Variants in RUNX3 observed in about 807,000 individuals in gnomAD.
The protein encoded by RUNX3 is RUNX family transcription factor 3.
A neutral mutation model predicts 27.7 loss-of-function variants in RUNX3; 10 were observed. The observed-to-expected ratio is 0.36, with a 90% CI of 0.22 to 0.61. The LOEUF is 0.61. RUNX3 is among the 20% of genes least tolerant of loss of function. The pLI is 0.72. For missense variants in RUNX3, 469 were observed against 629.5 expected, an observed-to-expected ratio of 0.75 and a Z score of 2.73; for synonymous variants, 270 against 269.2, an observed-to-expected ratio of 1.00 and a Z score of -0.03.
intron 1 of RUNX3, 92 bp downstream of exon 1, chr1:24,929,495 C>T: frequency 7.8e-7 from 1 of 1,289,778 alleles, no homozygotes; most frequent in Non-Finnish European, 1.1e-6. Flanking sequence ...CGGGCACCTC[C>T]CATCCCCACT....
At position 24,902,552 on chromosome 1, in the gene RUNX3, G is replaced by A; in HGVS notation, c.818C>T (p.Ala273Val). 1 of 1,588,342 alleles carries A rather than the reference G, an allele frequency of 6.3e-7. No homozygotes were observed. The highest frequency in any genetic ancestry group is 8.6e-7 in the Non-Finnish European group (1 of 1,161,574). The change falls in exon 5 of 5, where the codon GCC (alanine) becomes GTC (valine). Residue 273 changes from alanine to valine, a missense_variant. Ala to Val is a moderately conservative substitution (Grantham distance 64, BLOSUM62 0). Coordinates refer to ENST00000308873, the MANE Select transcript of RUNX3 (RefSeq NM_004350.3). The surrounding 1 kb of genome is among the most constrained non-coding windows in gnomAD (Gnocchi z 9.2). ...GCTGTAGGGGAAGGCAGCTGACATG[G>A]CCCCGGGATAATGCATCCTGGGGTC... ...FPDPRMHYPGAMSAAFPYSAT... is the reference protein window; with the variant it reads ...FPDPRMHYPGVMSAAFPYSAT...
chr1:24,945,500 A>G (rs1641584410), intron 2 of RUNX3, among the ~76,000 whole-genome samples: 1 of 152,228 alleles, frequency 6.6e-6, no homozygotes, highest in Non-Finnish European at 1.5e-5. Context: ...ACCCGGGCTG[A>G]GTGCTTTACA....
At chr1:24,939,230 A>C (rs547681592) in intron 2 of RUNX3, among the ~76,000 whole-genome samples, 19 of 152,138 alleles carry the variant, frequency 1.2e-4, no homozygotes, top group Non-Finnish European at 2.6e-4. Flanking sequence ...TATACCCTAC[A>C]TGTGTGCACT....
intron 2 of RUNX3, among the ~76,000 whole-genome samples, chr1:24,949,872 G>A (rs927203143): frequency 6.6e-6 from 1 of 152,194 alleles, no homozygotes; most frequent in Non-Finnish European, 1.5e-5. Context: ...ACCCCAGGAG[G>A]GGTCAGCATA....
chr1:24,936,979 A>G (rs1641362637), intron 2 of RUNX3, among the ~76,000 whole-genome samples: 1 of 152,252 alleles, frequency 6.6e-6, no homozygotes, highest in African/African-American at 2.4e-5. Context: ...GCGGAAATAA[A>G]TCAACTATGT....
At chr1:24,910,594 G>T (rs1640778352) in intron 3 of RUNX3, among the ~76,000 whole-genome samples, 3 of 152,148 alleles carry the variant, frequency 2.0e-5, no homozygotes, top group Admixed American at 6.5e-5. Flanking sequence ...GTACTTGTAG[G>T]CCCCCAAGCT....
intron 4 of RUNX3, among the ~76,000 whole-genome samples, chr1:24,903,503 G>A (rs1320034267): frequency 6.6e-6 from 1 of 152,234 alleles, no homozygotes; most frequent in Non-Finnish European, 1.5e-5. Context: ...CCCCAGGAAT[G>A]TGGCTTCTCA....
At position 24,901,595 on chromosome 1, in the gene RUNX3, G is replaced by C. The variant is rs550099340; in HGVS notation, c.*527C>G. ...GTACAATGAGGGGAACCCCGCTCGA[G>C]GGTGGTGGGGGTGGGGGACACTTTC... On this transcript the variant is annotated 3_prime_UTR_variant, in exon 5 of 5. Transcript: ENST00000308873. The C allele has an allele frequency of 6.4e-6, 1 of 155,540 alleles. No homozygotes were observed. The highest frequency in any genetic ancestry group is 1.9e-4 in the East Asian group (1 of 5,308). 9.6% of individuals were successfully genotyped at this position (155,540 alleles called of 1,614,324 possible).
chr1:24,930,348 G>A, upstream of RUNX3: 1 of 498,916 alleles, frequency 2.0e-6, no homozygotes, highest in Non-Finnish European at 2.6e-6. The surrounding 1 kb of genome is among the most constrained non-coding windows in gnomAD (Gnocchi z 4.1). Context: ...GCGACGCGTC[G>A]CACAGCCAAT....
chr1:24,961,378 G>T (rs1188499098), intron 2 of RUNX3: 1 of 152,260 alleles, frequency 6.6e-6, no homozygotes, highest in Non-Finnish European at 1.5e-5. Flanking sequence ...GGTCTATGGG[G>T]ACCCTGAGGT....
chr1:24,907,184 C>T, intron 4 of RUNX3, 75 bp downstream of exon 4: 1 of 1,477,390 alleles, frequency 6.8e-7, no homozygotes. Context: ...GGCTTTTGGT[C>T]TGGGGCAGAT....
At chr1:24,935,677 A>G (rs1362693452) in intron 2 of RUNX3, among the ~76,000 whole-genome samples, 1 of 152,220 alleles carries the variant, frequency 6.6e-6, no homozygotes, top group Admixed American at 6.5e-5. Context: ...TCATCTGTAA[A>G]TCAGGGAAAT....
Position 24,943,135 on chromosome 1 carries a change from C to T in RUNX3, c.59-13283G>A, listed in dbSNP as rs1248640989. Among the ~76,000 whole-genome samples the T allele has an allele frequency of 6.6e-6, 1 of 152,222 alleles. No individual in the cohort carries two copies. Among genetic ancestry groups the T allele is most frequent in the Non-Finnish European group, 1.5e-5 (1 of 68,034 alleles). On this transcript the variant is annotated intron_variant, in intron 2 of 6. Transcript: ENST00000338888. This position sits in a 1 kb window ranked among gnomAD's most constrained non-coding sequence, Gnocchi z 4.6. The stretch of plus-strand genomic sequence containing the variant: ...TGTTCCAGCCACCAGGCGGGACCAG[C>T]GCCGGGCAGACTGCCGGTTTTCCCA...
chr1:24,954,249 T>G (rs1641854760), intron 2 of RUNX3, among the ~76,000 whole-genome samples: 1 of 152,252 alleles, frequency 6.6e-6, no homozygotes, highest in Non-Finnish European at 1.5e-5. Context: ...ATTTTTAAAT[T>G]TCTTAGATCC....
rs929874509 is a variant in RUNX3 at position 24,943,230 on chromosome 1, G to A, written c.59-13378C>T. Among the ~76,000 whole-genome samples, 1 of 152,250 alleles carries A rather than the reference G, an allele frequency of 6.6e-6. No individual in the cohort carries two copies. Among genetic ancestry groups the A allele is most frequent in the Middle Eastern group, 3.2e-3 (1 of 316 alleles). On this transcript the variant is annotated intron_variant, in intron 2 of 6. Coordinates refer to the RUNX3 transcript ENST00000338888. This position sits in a 1 kb window ranked among gnomAD's most constrained non-coding sequence, Gnocchi z 4.6. ...GGCAGGCATGCCACCCAGCACGTGG[G>A]GGAGGCCAGGGCTTTGGGAGCATGC...
At position 24,916,914 on chromosome 1, in the gene RUNX3, G is replaced by A. The variant is rs1014485283; in HGVS notation, c.544+2326C>T. On this transcript the variant is annotated intron_variant, in intron 3 of 4. Transcript: ENST00000308873. This position sits in a 1 kb window ranked among gnomAD's most constrained non-coding sequence, Gnocchi z 4.8. ...CTCTTGTTGCCTCGTCCTGAGCCAC[G>A]CATTTACCTTCCAGCTCACCCCAGA... 6.6e-6 allele frequency among the ~76,000 whole-genome samples: 1 copy of A among 152,154 alleles called. No homozygotes were observed. Among genetic ancestry groups the A allele is most frequent in the Non-Finnish European group, 1.5e-5 (1 of 68,030 alleles).
chr1:24,902,091 C>A lies in RUNX3; in HGVS notation c.*31G>T, dbSNP rs756468908. ...TGGTCTTGAAGGTTGTTAGGGTCCC[C>A]GCCTCCAGCGGGAGGAGTCCACCAG... On this transcript the variant is annotated 3_prime_UTR_variant, in exon 5 of 5. Coordinates refer to ENST00000308873, the MANE Select transcript of RUNX3 (RefSeq NM_004350.3). The surrounding 1 kb of genome is among the most constrained non-coding windows in gnomAD (Gnocchi z 9.2). 6.7e-7 allele frequency: 1 copy of A among 1,484,436 alleles called. No homozygotes were observed. The highest frequency in any genetic ancestry group is 2.4e-5 in the East Asian group (1 of 41,746). 92.0% of individuals were successfully genotyped at this position (1,484,436 alleles called of 1,614,324 possible). A position where few individuals can be genotyped will look rare whatever the true frequency, so the allele number is the denominator to read the frequency against.
chr1:24,929,129 C>T (rs1641158020), intron 1 of RUNX3: 1 of 462,052 alleles, frequency 2.2e-6, no homozygotes, highest in South Asian at 1.5e-5. Context: ...TTCGGAAGCC[C>T]GAGGGTGTGA....
At chr1:24,922,107 T>C (rs1300594721) in intron 2 of RUNX3, among the ~76,000 whole-genome samples, 2 of 151,916 alleles carry the variant, frequency 1.3e-5, no homozygotes, top group Non-Finnish European at 2.9e-5. Context: ...AGCGCCACCA[T>C]GCCCGGCTAT....
Sources: allele counts gnomAD v4.1 joint callset (sites outside exome capture counted in the v4.1 genomes callset), GRCh38; gene constraint gnomAD v4.1.1; non-coding constraint Gnocchi (gnomAD v3.1); transcripts MANE v1.5; gene names NCBI Gene and HGNC (gene_info 2026-07-23, HGNC 2026-07-21).